ANO5: variants seen among roughly 807,000 people sequenced by gnomAD.
ANO5 encodes anoctamin 5.
In ANO5, 109 loss-of-function variants were observed where a neutral mutation model predicts 121.0. The ratio of observed to expected loss-of-function variants is 0.90; its 90% CI spans 0.77 to 1.06. The LOEUF is 1.06. Among genes scored for constraint, ANO5 ranks in the 50% least tolerant of loss-of-function variants. ANO5 has a pLI of 0.00. For missense variants in ANO5, 1,064 were observed against 1,078.5 expected, an observed-to-expected ratio of 0.99 and a Z score of 0.19; for synonymous variants, 406 against 359.9, an observed-to-expected ratio of 1.13 and a Z score of -1.45.
At chr11:22,242,770 T>C (rs1461346027) in intron 9 of ANO5, among the ~76,000 whole-genome samples, 2 of 152,090 alleles carry the variant, frequency 1.3e-5, no homozygotes, top group East Asian at 3.8e-4. Flanking sequence ...AACTCTCTCA[T>C]CTGTCATTTA....
intron 1 of ANO5, among the ~76,000 whole-genome samples, chr11:22,201,352 A>G: frequency 6.6e-6 from 1 of 152,240 alleles, no homozygotes; most frequent in Non-Finnish European, 1.5e-5. Flanking sequence ...AGTAATTAAA[A>G]TGCACAAATA....
rs1489544448 is a variant in ANO5, at chr11:22,226,096, GT to G, written c.363+46del. The G allele has an allele frequency of 2.7e-6, 4 of 1,500,916 alleles. No homozygotes were observed. The African/African-American group carries it at 4.1e-5, about 16-fold the overall frequency. The allele number at this position is 1,500,916 out of a possible 1,614,324, so 93.0% of individuals were successfully genotyped here. On this transcript the variant is annotated intron_variant, in intron 6 of 21. Transcript: ENST00000324559. Reference sequence around the variant, plus strand: ...TTATACAAGCCTCTTTAATTTAAGTGTTGTTTTCTCCTACTCTGGCCTTTGC... The same window carrying G: ...TTATACAAGCCTCTTTAATTTAAGTGTGTTTTCTCCTACTCTGGCCTTTGC...
chr11:22,259,948 G>GA lies in ANO5; in HGVS notation c.1630+221dup, dbSNP rs36077990. On this transcript the variant is annotated intron_variant, in intron 15 of 21. Transcript: ENST00000324559. ...TTATAAAGGAAGAGGCAAAATAACT[G>GA]AAAAAAAAAAAAAAGAATTCTGACT... Among the ~76,000 whole-genome samples, 80,146 of 142,156 alleles carry GA rather than the reference G, an allele frequency of 0.56. 24,542 individuals carry two copies. Among genetic ancestry groups the GA allele is most frequent in the Non-Finnish European group, 0.7 (46,551 of 66,070 alleles). The allele number at this position is 142,156 out of a possible 152,430, so 93.3% of individuals were successfully genotyped here. A position where few individuals can be genotyped will look rare whatever the true frequency, so the allele number is the denominator to read the frequency against.
intron 18 of ANO5, among the ~76,000 whole-genome samples, chr11:22,271,256 A>G (rs951804910): frequency 6.6e-6 from 1 of 152,084 alleles, no homozygotes; most frequent in Non-Finnish European, 1.5e-5. Context: ...GGGTTTCACC[A>G]TGTTGATGGC....
intron 17 of ANO5, among the ~76,000 whole-genome samples, chr11:22,268,307 C>T (rs1337539142): frequency 6.6e-6 from 1 of 151,526 alleles, no homozygotes; most frequent in Non-Finnish European, 1.5e-5. Context: ...CCTTCTTACT[C>T]GTCAACATTT....
intron 3 of ANO5, among the ~76,000 whole-genome samples, chr11:22,216,773 G>T (rs757285253): frequency 6.6e-6 from 1 of 151,700 alleles, no homozygotes; most frequent in Non-Finnish European, 1.5e-5. Context: ...CACCAAAGTA[G>T]GGGAGATTTT....
In ANO5 at chr11:22,250,783, G is replaced by C; in HGVS notation, c.1056G>C (p.Met352Ile). 6.2e-7 allele frequency: 1 copy of C among 1,614,084 alleles called. No homozygotes were observed. Among genetic ancestry groups the C allele is most frequent in the East Asian group, 2.2e-5 (1 of 44,866 alleles). Residue 352 changes from methionine (M) to isoleucine (I), a missense_variant, in exon 11 of 22, where the codon ATG (methionine) becomes ATC (isoleucine). Physicochemically the swap from Met to Ile is conservative, Grantham distance 10 (BLOSUM62 1). Transcript: ENST00000324559. Reference protein sequence around the residue: ...CDPEIGGQMIMCPLCDQVCDY... With the variant: ...CDPEIGGQMIICPLCDQVCDY... ...CTGAGATTGGTGGTCAGATGATCAT[G>C]TGCCCACTCTGTGATCAAGTGTGTG...
At position 22,225,709 on chromosome 11, in the gene ANO5, A is replaced by G. The variant is rs150221273; in HGVS notation, c.295-275A>G. On this transcript the variant is annotated intron_variant, in intron 5 of 21. Transcript: ENST00000324559. ...TCTCTGTTTATAAAGTTTTTTTATA[A>G]TTTATGTTATTCAGTAAAGTTTTGT... Among the ~76,000 whole-genome samples the G allele has an allele frequency of 6.9e-3, 1,050 of 152,182 alleles. 10 individuals carry two copies. Among genetic ancestry groups the G allele is most frequent in the African/African-American group, 0.024 (993 of 41,540 alleles).
chr11:22,250,519 C>A, intron 10 of ANO5, 148 bp downstream of exon 10: 2 of 1,213,664 alleles, frequency 1.6e-6, no homozygotes, highest in Non-Finnish European at 2.3e-6. Context: ...TCAAACATAA[C>A]AGTTGCCTCT....
intron 16 of ANO5, 88 bp from the exon 17 acceptor site, chr11:22,262,858 A>C: frequency 9.6e-7 from 1 of 1,041,736 alleles, no homozygotes; most frequent in East Asian, 2.4e-5. Flanking sequence ...TTAGATTCTA[A>C]TTTTATAGTT....
rs912120379 is a variant in ANO5 at position 22,227,381 on chromosome 11, G to T, written c.443G>T (p.Gly148Val). Reference protein sequence around the residue: ...EVLVTYAEVLGIKMPIKESDI... With the variant: ...EVLVTYAEVLVIKMPIKESDI... Reference sequence around the variant, plus strand: ...TTAGTTACCTATGCTGAAGTCTTGGGAATCAAAATGCCTATTAAGGAGAGT... The same window carrying T: ...TTAGTTACCTATGCTGAAGTCTTGGTAATCAAAATGCCTATTAAGGAGAGT... The change falls in exon 7 of 22, where the codon GGA becomes GTA. Residue 148 changes from glycine to valine, a missense_variant. Coordinates refer to ENST00000324559, the MANE Select transcript of ANO5 (RefSeq NM_213599.3). 5.6e-6 allele frequency: 9 copies of T among 1,613,288 alleles called. No homozygotes were observed. The African/African-American group carries it at 1.2e-4, about 22-fold the overall frequency.
intron 5 of ANO5, among the ~76,000 whole-genome samples, 187 bp from the exon 6 acceptor site, chr11:22,225,797 T>C (rs905461087): frequency 3.9e-5 from 6 of 152,112 alleles, no homozygotes; most frequent in Admixed American, 6.6e-5. Context: ...TACTGCATTT[T>C]TGTAGTTGTG....
intron 1 of ANO5, among the ~76,000 whole-genome samples, chr11:22,198,272 A>T (rs1018981414): frequency 1.3e-5 from 2 of 152,142 alleles, no homozygotes; most frequent in South Asian, 4.1e-4. Flanking sequence ...GTGGTATGGG[A>T]GCAGGTGGGA....
intron 18 of ANO5, among the ~76,000 whole-genome samples, 160 bp downstream of exon 18, chr11:22,270,602 T>C (rs1479146265): frequency 2.0e-5 from 3 of 152,236 alleles, no homozygotes. Flanking sequence ...ATTTGTTCCC[T>C]ATTTCCCTGT....
At chr11:22,247,780 T>C (rs1038277300) in intron 9 of ANO5, among the ~76,000 whole-genome samples, 34 of 152,068 alleles carry the variant, frequency 2.2e-4, no homozygotes, top group Non-Finnish European at 4.6e-4. Context: ...ATGGCAATGC[T>C]AAGATTGAGA....
intron 9 of ANO5, among the ~76,000 whole-genome samples, chr11:22,248,976 T>C (rs1853710071): frequency 6.6e-6 from 1 of 152,026 alleles, no homozygotes; most frequent in South Asian, 2.1e-4. Context: ...TTTCTACATT[T>C]TTCAGAAAAA....
Position 22,250,362 on chromosome 11 carries a change from A to T in ANO5, c.1004A>T (p.Asn335Ile). ...TATGGCTTATTATCAATGGAACATA[A>T]CACAAGCAGGTAAGTGCACCTGAGT... ...FIYGLLSMEH[N>I]TSSTEICDPE... Residue 335 changes from asparagine to isoleucine, a missense_variant, in exon 10 of 22, where the codon AAC (asparagine) becomes ATC (isoleucine). By Grantham distance (149) the Asn-to-Ile change is moderately radical. Transcript: ENST00000324559. 1 of 1,613,572 alleles carries T rather than the reference A, an allele frequency of 6.2e-7. No homozygotes were observed. Among genetic ancestry groups the T allele is most frequent in the Non-Finnish European group, 8.5e-7 (1 of 1,179,694 alleles).
Position 22,282,297 on chromosome 11 carries a change from C to A in ANO5, c.*2532C>A, listed in dbSNP as rs1020512515. 1.2e-4 allele frequency: 19 copies of A among 152,154 alleles called. No homozygotes were observed. The highest frequency in any genetic ancestry group is 4.6e-4 in the African/African-American group (19 of 41,460). The allele number at this position is 152,154 out of a possible 1,614,324, so 9.4% of individuals were successfully genotyped here. On this transcript the variant is annotated 3_prime_UTR_variant, in exon 22 of 22. Coordinates refer to ENST00000324559, the MANE Select transcript of ANO5 (RefSeq NM_213599.3). ...TTTCAAAGGCCCTCTTTCATCCTTGCCTTCGTCAACTTTCCTTTGCACACA... is the reference window on the plus strand; with the variant it reads ...TTTCAAAGGCCCTCTTTCATCCTTGACTTCGTCAACTTTCCTTTGCACACA...
chr11:22,193,147 C>G lies in ANO5; in HGVS notation c.-346C>G, dbSNP rs538725103. 8.7e-7 allele frequency: 1 copy of G among 1,145,860 alleles called. No homozygotes were observed. The highest frequency in any genetic ancestry group is 1.1e-6 in the Non-Finnish European group (1 of 924,220). 71.0% of individuals were successfully genotyped at this position (1,145,860 alleles called of 1,614,324 possible). A position where few individuals can be genotyped will look rare whatever the true frequency, so the allele number is the denominator to read the frequency against. On this transcript the variant is annotated 5_prime_UTR_variant, in exon 1 of 22. Coordinates refer to ENST00000324559, the MANE Select transcript of ANO5 (RefSeq NM_213599.3). ...TGCGGGATCAGCTGCCGAGCAGGCA[C>G]AGGGACAGGTGCCTGGAGAAGTACT... is the stretch of plus-strand genomic sequence containing the variant.
Sources: gnomAD v4.1 joint callset for allele counts (sites outside exome capture counted in the v4.1 genomes callset) on GRCh38, gnomAD v4.1.1 for gene constraint, MANE v1.5 for transcripts, NCBI Gene and HGNC (gene_info 2026-07-23, HGNC 2026-07-21) for gene names.